The following TMEM71 variants were observed in gnomAD, a reference collection of about 807,000 sequenced individuals.
The protein encoded by TMEM71 is transmembrane protein 71.
TMEM71 carries 44 observed loss-of-function variants against 38.0 expected under a neutral mutation model. The ratio of observed to expected loss-of-function variants is 1.16; its 90% CI spans 0.91 to 1.49. The LOEUF (loss-of-function observed/expected upper bound fraction) is 1.49, where lower values mean the gene tolerates loss of function less well. TMEM71 is among the 40% of genes most tolerant of loss of function. The probability of loss-of-function intolerance (pLI) is 0.00; values close to 1 mark genes in which losing one functional copy is unlikely to be tolerated. For synonymous variants in TMEM71, 133 were observed against 122.5 expected (o/e 1.09, Z -0.56); for missense variants, 367 against 348.6 (o/e 1.05, Z -0.42).
rs1401713924 is a variant in TMEM71 at position 132,758,705 on chromosome 8, A to G, written c.40+135T>C. On this transcript the variant is annotated intron_variant, in intron 2 of 9. Transcript: ENST00000677595. Reference sequence around the variant, plus strand: ...AGTTAAAATCATTGCCAAAGTGAACACTGGCATTTAAGAAGCACAAGCTAC... The same window carrying G: ...AGTTAAAATCATTGCCAAAGTGAACGCTGGCATTTAAGAAGCACAAGCTAC... 8.5e-6 allele frequency: 6 copies of G among 703,000 alleles called. No homozygotes were observed. The South Asian group carries it at 8.8e-5, about 10-fold the overall frequency. 43.5% of individuals were successfully genotyped at this position (703,000 alleles called of 1,614,324 possible).
chr8:132,767,708 C>G, the TMEM71 span, among the ~76,000 whole-genome samples: 2 of 152,082 alleles, frequency 1.3e-5, no homozygotes, highest in Non-Finnish European at 2.9e-5. Context: ...ATCTCCTGAC[C>G]TCATGATCTG....
At chr8:132,774,967 T>C in the TMEM71 span, among the ~76,000 whole-genome samples, 1 of 152,248 alleles carries the variant, frequency 6.6e-6, no homozygotes, top group Non-Finnish European at 1.5e-5. Flanking sequence ...AAGCATCCAT[T>C]CAAGGGAGGT....
intron 5 of TMEM71, among the ~76,000 whole-genome samples, chr8:132,743,399 A>T (rs139482571): frequency 3.9e-5 from 6 of 152,064 alleles, no homozygotes; most frequent in Non-Finnish European, 7.4e-5. Context: ...TTGAACACTC[A>T]GTCCTCATCC....
chr8:132,770,509 G>C, the TMEM71 span, among the ~76,000 whole-genome samples: 3 of 152,188 alleles, frequency 2.0e-5, no homozygotes, highest in Non-Finnish European at 2.9e-5. Context: ...CAGCCAGTGA[G>C]AGAAAGACTC....
intron 7 of TMEM71, among the ~76,000 whole-genome samples, chr8:132,715,223 G>T (rs1282183778): frequency 6.6e-6 from 1 of 151,168 alleles, no homozygotes; most frequent in South Asian, 2.1e-4. Flanking sequence ...TGGCTAACAC[G>T]GTGAAACCCT....
intron 7 of TMEM71, among the ~76,000 whole-genome samples, chr8:132,716,228 C>A (rs1826524065): frequency 6.6e-6 from 1 of 152,244 alleles, no homozygotes; most frequent in African/African-American, 2.4e-5. Flanking sequence ...CTGTTGCCCG[C>A]TCTGATTTCG....
chr8:132,726,010 T>C (rs576701476), intron 6 of TMEM71, among the ~76,000 whole-genome samples: 2 of 152,330 alleles, frequency 1.3e-5, no homozygotes, highest in South Asian at 4.1e-4. Context: ...TAATGAAGCA[T>C]CATCTCTGTG....
At chr8:132,748,916 C>A (rs989875398) in intron 4 of TMEM71, among the ~76,000 whole-genome samples, 1 of 152,204 alleles carries the variant, frequency 6.6e-6, no homozygotes, top group African/African-American at 2.4e-5. Flanking sequence ...CTCAACCTCT[C>A]TGAACTCATG....
rs954081309 is a variant in TMEM71, at chr8:132,727,857, G to A, written c.617C>T (p.Ser206Phe). The part of the protein sequence containing the change: ...QPPGGNSHSL[S>F]LQSQLTASER... ...AGAAGCTGTCAACTGGGACTGAAGA[G>A]ACAAGCTATGGGAGTTTCCTCCAGG... Residue 206 changes from serine to phenylalanine, a missense_variant, in exon 6 of 10, where the codon TCT (serine) becomes TTT (phenylalanine). Transcript: ENST00000677595. 6.2e-7 allele frequency: 1 copy of A among 1,614,016 alleles called. No homozygotes were observed. The highest frequency in any genetic ancestry group is 1.3e-5 in the African/African-American group (1 of 74,928).
At chr8:132,722,011 C>A (rs1481132434) in intron 7 of TMEM71, 29 bp downstream of exon 7, 1 of 1,568,962 alleles carries the variant, frequency 6.4e-7, no homozygotes, top group South Asian at 1.1e-5. Context: ...TTATGAAATA[C>A]CGCTGCATGA....
intron 9 of TMEM71, 59 bp from the exon 10 acceptor site, chr8:132,711,041 G>A: frequency 6.5e-7 from 1 of 1,541,750 alleles, no homozygotes; most frequent in Non-Finnish European, 8.9e-7. Flanking sequence ...AGGAAATGCA[G>A]TATCTAATCA....
the TMEM71 span, among the ~76,000 whole-genome samples, chr8:132,770,199 T>C: frequency 1.3e-5 from 2 of 152,360 alleles, no homozygotes; most frequent in South Asian, 4.1e-4. Context: ...TTTTCTAACT[T>C]TGCAAGCTAG....
At chr8:132,744,699 C>T (rs182437433) in intron 5 of TMEM71, among the ~76,000 whole-genome samples, 1 of 151,886 alleles carries the variant, frequency 6.6e-6, no homozygotes, top group African/African-American at 2.4e-5. Flanking sequence ...CATGTGGTAC[C>T]AAAAAAGAAT....
downstream of TMEM71, among the ~76,000 whole-genome samples, chr8:132,706,604 T>C (rs561825860): frequency 6.6e-6 from 1 of 152,274 alleles, no homozygotes; most frequent in South Asian, 2.1e-4. Flanking sequence ...TTCCTTCATA[T>C]ATATAAATGC....
Position 132,746,949 on chromosome 8 carries a change from A to G in TMEM71, c.480T>C (p.Asn160=). ...GTRRLDTDHC[N]GNADDLDCSS... ...AGGAGGACTCAAACTCACCATTTCC[A>G]TTGCAATGGTCTGTGTCCAACCTCC... is the stretch of plus-strand genomic sequence containing the variant. Residue 160 remains asparagine (N), a synonymous_variant, in exon 5 of 10, where the codon AAT becomes AAC. Coordinates refer to ENST00000677595, the MANE Select transcript of TMEM71 (RefSeq NM_001382403.1). The G allele has an allele frequency of 1.3e-6, 2 of 1,587,538 alleles. No individual in the cohort carries two copies. Among genetic ancestry groups the G allele is most frequent in the Non-Finnish European group, 1.7e-6 (2 of 1,170,788 alleles).
At position 132,743,213 on chromosome 8, in the gene TMEM71, A is replaced by G. The variant is rs1828146340; in HGVS notation, c.487+3729T>C. On this transcript the variant is annotated intron_variant, in intron 5 of 9. Transcript: ENST00000677595. ...AAGAAGAGCCGCAGGGACTCACTCA[A>G]TCTTCTCATTTGCTTTCACCCTCCT... 3.3e-5 allele frequency among the ~76,000 whole-genome samples: 5 copies of G among 151,976 alleles called. No individual in the cohort carries two copies. In the South Asian group the frequency reaches 1.0e-3, roughly 32 times the overall value.
chr8:132,766,145 A>G, the TMEM71 span, among the ~76,000 whole-genome samples: 1 of 152,116 alleles, frequency 6.6e-6, no homozygotes, highest in East Asian at 1.9e-4. Flanking sequence ...TCCTTGTGCC[A>G]TCATTCCTGG....
intron 5 of TMEM71, among the ~76,000 whole-genome samples, chr8:132,740,541 G>A (rs902140770): frequency 9.9e-5 from 15 of 152,166 alleles, no homozygotes; most frequent in African/African-American, 3.6e-4. Flanking sequence ...GATAATGCCT[G>A]GAACATCATT....
chr8:132,722,080 T>G lies in TMEM71; in HGVS notation c.712A>C (p.Ile238Leu). ...RLLQEVFFQA[I>L]LLAVCLIISA... Reference sequence around the variant, plus strand: ...ATGATTAAGCACACAGCAAGCAGGATTGCCTGAAAGAAGACCTCTTGCAAC... The same window carrying G: ...ATGATTAAGCACACAGCAAGCAGGAGTGCCTGAAAGAAGACCTCTTGCAAC... Residue 238 changes from isoleucine (I) to leucine (L), a missense_variant, in exon 7 of 10, where the codon ATC (isoleucine) becomes CTC (leucine). Physicochemically the swap from Ile to Leu is conservative, Grantham distance 5. Transcript: ENST00000677595. The G allele has an allele frequency of 6.2e-7, 1 of 1,614,010 alleles. No individual in the cohort carries two copies. Among genetic ancestry groups the G allele is most frequent in the Non-Finnish European group, 8.5e-7 (1 of 1,179,984 alleles).
Sources: allele counts gnomAD v4.1 joint callset (sites outside exome capture counted in the v4.1 genomes callset), GRCh38; gene constraint gnomAD v4.1.1; transcripts MANE v1.5; gene names NCBI Gene and HGNC (gene_info 2026-07-23, HGNC 2026-07-21).